The following GPHN variants were observed in gnomAD, a reference collection of about 807,000 sequenced individuals.
The protein encoded by GPHN is gephyrin.
Under a neutral mutation model 95.5 loss-of-function variants are expected in GPHN, and 17 were observed. The observed-to-expected ratio is 0.18, with a 90% CI of 0.12 to 0.27. The LOEUF (loss-of-function observed/expected upper bound fraction) is 0.27. Among genes scored for constraint, GPHN ranks in the 10% least tolerant of loss-of-function variants. The probability of loss-of-function intolerance (pLI) is 1.00; values close to 1 mark genes in which losing one functional copy is unlikely to be tolerated. For missense variants in GPHN, 660 were observed against 978.1 expected, an observed-to-expected ratio of 0.67 and a Z score of 4.34; for synonymous variants, 320 against 322.5, an observed-to-expected ratio of 0.99 and a Z score of 0.08.
At chr14:67,719,686 C>G in the GPHN span, among the ~76,000 whole-genome samples, 1 of 152,104 alleles carries the variant, frequency 6.6e-6, no homozygotes, top group Non-Finnish European at 1.5e-5. Context: ...CTATGTTGCC[C>G]AGGTTGGTCT....
chr14:66,627,402 C>T (rs1166039182), intron 1 of GPHN, among the ~76,000 whole-genome samples: 3 of 151,804 alleles, frequency 2.0e-5, no homozygotes, highest in Non-Finnish European at 2.9e-5. Flanking sequence ...CAGATACATT[C>T]GTTGATGGAT....
intron 4 of GPHN, among the ~76,000 whole-genome samples, chr14:66,837,645 A>G (rs965381376): frequency 4.7e-5 from 7 of 148,250 alleles, no homozygotes; most frequent in Non-Finnish European, 9.0e-5. Flanking sequence ...AAATAAATAA[A>G]TAAATAAATA....
intron 2 of GPHN, among the ~76,000 whole-genome samples, chr14:66,687,254 A>G (rs2067434389): frequency 6.6e-6 from 1 of 152,126 alleles, no homozygotes; most frequent in South Asian, 2.1e-4. Flanking sequence ...CTCTGCACCA[A>G]GAAGACCTAA....
At chr14:67,390,129 A>G in the GPHN span, among the ~76,000 whole-genome samples, 1 of 152,248 alleles carries the variant, frequency 6.6e-6, no homozygotes, top group East Asian at 1.9e-4. Context: ...TCCACTTAGC[A>G]TGTGGTAATA....
chr14:66,668,948 T>C (rs928357500), intron 1 of GPHN, among the ~76,000 whole-genome samples: 1 of 150,654 alleles, frequency 6.6e-6, no homozygotes, highest in African/African-American at 2.4e-5. Flanking sequence ...TGGCGTTATC[T>C]CGGCTCCCTG....
chr14:66,980,385 C>CT (rs1166562332), intron 9 of GPHN, among the ~76,000 whole-genome samples: 1 of 151,854 alleles, frequency 6.6e-6, no homozygotes, highest in Non-Finnish European at 1.5e-5. Context: ...CAAAGATAAA[C>CT]TTTTTTTTGG....
chr14:66,698,899 A>G (rs1340650416), intron 2 of GPHN, among the ~76,000 whole-genome samples: 1 of 152,192 alleles, frequency 6.6e-6, no homozygotes, highest in Non-Finnish European at 1.5e-5. Context: ...AAATCTGCAG[A>G]TAAGTGGAAC....
At chr14:67,508,342 G>C in the GPHN span, among the ~76,000 whole-genome samples, 2 of 152,070 alleles carry the variant, frequency 1.3e-5, no homozygotes, top group Non-Finnish European at 2.9e-5. Context: ...CTCAGGAAAG[G>C]CTGGATCATC....
the GPHN span, chr14:67,203,414 T>C: frequency 2.4e-5 from 18 of 759,290 alleles, no homozygotes; most frequent in Non-Finnish European, 3.3e-5. Context: ...CACTCCCTGC[T>C]GCAAATGACA....
intron 1 of GPHN, among the ~76,000 whole-genome samples, chr14:66,516,384 CGT>C (rs1222595596): frequency 3.3e-5 from 5 of 152,090 alleles, no homozygotes; most frequent in African/African-American, 9.7e-5. Flanking sequence ...GTTTCCATAA[CGT>C]ATATGCTTTT....
chr14:67,586,063 T>C, the GPHN span: 3 of 1,613,978 alleles, frequency 1.9e-6, no homozygotes, highest in Non-Finnish European at 1.7e-6. Context: ...AAAAGCCACA[T>C]TGAGAAGTTG....
At chr14:67,215,772 C>T in the GPHN span, among the ~76,000 whole-genome samples, 1 of 152,138 alleles carries the variant, frequency 6.6e-6, no homozygotes, top group Non-Finnish European at 1.5e-5. Flanking sequence ...TTGATCAGGT[C>T]TGGTCACTCT....
chr14:67,417,893 A>G, the GPHN span, among the ~76,000 whole-genome samples: 1 of 151,902 alleles, frequency 6.6e-6, no homozygotes, highest in Non-Finnish European at 1.5e-5. Context: ...ACAGGCATGC[A>G]CCACCATGCC....
the GPHN span, among the ~76,000 whole-genome samples, chr14:67,596,630 C>T: frequency 6.6e-6 from 1 of 152,144 alleles, no homozygotes; most frequent in African/African-American, 2.4e-5. Context: ...ACCTTGACAT[C>T]TTTGTTGGGC....
At chr14:66,747,746 G>C (rs1175822114) in intron 2 of GPHN, among the ~76,000 whole-genome samples, 1 of 152,070 alleles carries the variant, frequency 6.6e-6, no homozygotes, top group East Asian at 1.9e-4. Flanking sequence ...TATGGACATA[G>C]CTGAGGATTT....
At chr14:67,070,594 G>A (rs192841545) in intron 11 of GPHN, among the ~76,000 whole-genome samples, 1,781 of 147,716 alleles carry the variant, frequency 0.012, 20 homozygotes, top group Non-Finnish European at 0.018. Context: ...TACTGGGGAG[G>A]CTGAGGCAGA....
At chr14:67,609,785 GAGA>G in the GPHN span, among the ~76,000 whole-genome samples, 29 of 152,296 alleles carry the variant, frequency 1.9e-4, no homozygotes, top group Admixed American at 1.6e-3. Flanking sequence ...TATTCTTGAA[GAGA>G]AGAAGGGGAA....
chr14:66,597,823 A>G (rs1737468249), intron 1 of GPHN, among the ~76,000 whole-genome samples: 1 of 152,148 alleles, frequency 6.6e-6, no homozygotes, highest in South Asian at 2.1e-4. Context: ...CACTACTACC[A>G]TCACTTCCAT....
the GPHN span, among the ~76,000 whole-genome samples, chr14:67,195,713 T>TTGTGTGTG: frequency 2.6e-3 from 379 of 143,330 alleles, no homozygotes; most frequent in African/African-American, 8.0e-3. Context: ...TTCTTTTTGG[T>TTGTGTGTG]TGTGTGTGTG....
Sources: allele counts gnomAD v4.1 joint callset (sites outside exome capture counted in the v4.1 genomes callset), GRCh38; gene constraint gnomAD v4.1.1; transcripts MANE v1.5; gene names NCBI Gene and HGNC (gene_info 2026-07-23, HGNC 2026-07-21).